IPO7: variants seen among roughly 807,000 people sequenced by gnomAD.
IPO7 encodes the protein importin 7, also known as importin-7.
IPO7 carries 13 observed loss-of-function variants against 136.4 expected under a neutral mutation model. That is an observed-to-expected ratio of 0.10 (90% CI 0.06 to 0.15). The LOEUF (loss-of-function observed/expected upper bound fraction) is 0.15. Among genes scored for constraint, IPO7 ranks in the 10% least tolerant of loss-of-function variants. The pLI, the probability that IPO7 is intolerant of heterozygous loss-of-function variation, is 1.00. For synonymous variants in IPO7, 403 were observed against 404.4 expected (o/e 1.00, Z 0.04); for missense variants, 857 against 1,240.6 (o/e 0.69, Z 4.65).
chr11:9,418,299 G>T (rs1007186601), intron 6 of IPO7, among the ~76,000 whole-genome samples: 12 of 151,516 alleles, frequency 7.9e-5, no homozygotes, highest in Non-Finnish European at 1.5e-4. Context: ...TTAAACTCCT[G>T]ACCTTGTGAT....
rs1443829292 is a variant in IPO7 at position 9,446,260 on chromosome 11, T to A, written c.*1066T>A. 6.6e-6 allele frequency: 1 copy of A among 152,238 alleles called. No homozygotes were observed. The highest frequency in any genetic ancestry group is 1.5e-5 in the Non-Finnish European group (1 of 68,044). The allele number at this position is 152,238 out of a possible 1,614,324, so 9.4% of individuals were successfully genotyped here. ...TGATTTGATTGCAGTTTTTTCCTAA[T>A]TATAACAAATTTTTCCTCATTGGCC... On this transcript the variant is annotated 3_prime_UTR_variant, in exon 25 of 25. Transcript: ENST00000379719.
intron 22 of IPO7, among the ~76,000 whole-genome samples, chr11:9,440,175 CA>C (rs1398569220): frequency 6.6e-6 from 1 of 152,110 alleles, no homozygotes; most frequent in African/African-American, 2.4e-5. Flanking sequence ...AAAAATCTTA[CA>C]AAAGGTTTGG....
intron 4 of IPO7, among the ~76,000 whole-genome samples, chr11:9,410,836 C>T (rs1252957747): frequency 6.6e-6 from 1 of 152,112 alleles, no homozygotes; most frequent in Non-Finnish European, 1.5e-5. Context: ...GACTTTTATA[C>T]CATGATCGTG....
chr11:9,384,716 C>T lies in IPO7; in HGVS notation c.-48C>T, dbSNP rs561347301. On this transcript the variant is annotated 5_prime_UTR_variant, in exon 1 of 25. Coordinates refer to ENST00000379719, the MANE Select transcript of IPO7 (RefSeq NM_006391.3). ...ATGTGCGCAGTGAGTGGCGCTATTCCTGGCCCAGTAGCACCCGAGCCCCGG... is the reference window on the plus strand; with the variant it reads ...ATGTGCGCAGTGAGTGGCGCTATTCTTGGCCCAGTAGCACCCGAGCCCCGG... The T allele has an allele frequency of 1.6e-5, 24 of 1,480,174 alleles. No individual in the cohort carries two copies. The Admixed American group carries it at 3.7e-4, about 23-fold the overall frequency. 91.7% of individuals were successfully genotyped at this position (1,480,174 alleles called of 1,614,324 possible). A position where few individuals can be genotyped will look rare whatever the true frequency, so the allele number is the denominator to read the frequency against.
intron 1 of IPO7, among the ~76,000 whole-genome samples, chr11:9,388,120 C>A (rs527384685): frequency 6.6e-6 from 1 of 151,952 alleles, no homozygotes; most frequent in Admixed American, 6.5e-5. Context: ...GCACTCCAGC[C>A]TGAGCAACAA....
intron 4 of IPO7, among the ~76,000 whole-genome samples, chr11:9,412,297 C>T (rs954557817): frequency 6.6e-6 from 1 of 152,090 alleles, no homozygotes. Context: ...TAAAAAGAGT[C>T]TCCCAGTATC....
At chr11:9,432,989 G>GTTTTTTTTTTTTTGTTTTTTTTTTTTTTT (rs1855318571) in intron 16 of IPO7, 1 of 123,226 alleles carries the variant, frequency 8.1e-6, no homozygotes, top group African/African-American at 2.9e-5. Context: ...CTTCCAAATG[G>GTTTTTTTTTTTTTGTTTTTTTTTTTTTTT]TTTTTTTTTT....
chr11:9,406,103 TC>T, intron 2 of IPO7, among the ~76,000 whole-genome samples: 1 of 101,484 alleles, frequency 9.9e-6, no homozygotes, highest in African/African-American at 3.6e-5. Flanking sequence ...CTGAGGCTGG[TC>T]TTTTTTTTTT....
intron 1 of IPO7, among the ~76,000 whole-genome samples, chr11:9,387,603 G>A (rs1476294503): frequency 6.6e-6 from 1 of 152,224 alleles, no homozygotes; most frequent in African/African-American, 2.4e-5. Flanking sequence ...AGGCTGAGGC[G>A]GACTGATCAC....
chr11:9,393,502 C>A (rs2133720484), intron 1 of IPO7, among the ~76,000 whole-genome samples: 1 of 152,256 alleles, frequency 6.6e-6, no homozygotes, highest in East Asian at 1.9e-4. Context: ...GCCTCAGCCT[C>A]CCTAGTAGCT....
chr11:9,434,147 T>C (rs576769417), intron 18 of IPO7, among the ~76,000 whole-genome samples: 1 of 152,202 alleles, frequency 6.6e-6, no homozygotes, highest in East Asian at 1.9e-4. Flanking sequence ...GGTCTCGAAC[T>C]CCCGACCTGA....
At chr11:9,425,879 CAA>C (rs777336158) in intron 12 of IPO7, among the ~76,000 whole-genome samples, 33 of 66,872 alleles carry the variant, frequency 4.9e-4, no homozygotes, top group Admixed American at 5.1e-4. Context: ...ACTCTGTCTC[CAA>C]AAAAAAAAAA....
chr11:9,407,172 A>G (rs2133735291), intron 2 of IPO7, among the ~76,000 whole-genome samples: 4 of 152,334 alleles, frequency 2.6e-5, no homozygotes, highest in Admixed American at 2.6e-4. Flanking sequence ...TGGTCTTAGT[A>G]TTGGTCTCTA....
chr11:9,396,431 A>G (rs1368278776), intron 1 of IPO7, among the ~76,000 whole-genome samples: 1 of 152,182 alleles, frequency 6.6e-6, no homozygotes, highest in Non-Finnish European at 1.5e-5. Context: ...TTCATAGTTC[A>G]GTGTTGTCGA....
chr11:9,429,250 C>G (rs1249926589), intron 14 of IPO7, 54 bp downstream of exon 14: 23 of 1,448,858 alleles, frequency 1.6e-5, no homozygotes, highest in Middle Eastern at 1.8e-4. Context: ...TGCGGTAGGT[C>G]ACACCTGTAA....
intron 1 of IPO7, among the ~76,000 whole-genome samples, chr11:9,397,332 T>TAAAAAAAAAAAAA (rs757736784): frequency 0.012 from 145 of 12,112 alleles, 61 homozygotes; most frequent in Middle Eastern, 0.25. Context: ...TAAAAATAAT[T>TAAAAAAAAAAAAA]TAAAAAAAAA....
chr11:9,390,656 G>A (rs779533556), intron 1 of IPO7, among the ~76,000 whole-genome samples: 3 of 152,168 alleles, frequency 2.0e-5, no homozygotes, highest in Non-Finnish European at 2.9e-5. Flanking sequence ...GCTTGTTAAA[G>A]ATCTGAAAGA....
chr11:9,430,811 C>G (rs997054542), intron 15 of IPO7, 64 bp from the exon 16 acceptor site: 2 of 1,451,154 alleles, frequency 1.4e-6, no homozygotes, highest in African/African-American at 1.4e-5. Context: ...AATTAAAAGT[C>G]TTAGACCAAA....
At chr11:9,429,399 G>C (rs993754675) in intron 14 of IPO7, among the ~76,000 whole-genome samples, 1 of 151,936 alleles carries the variant, frequency 6.6e-6, no homozygotes, top group Non-Finnish European at 1.5e-5. Flanking sequence ...CCAGCTACTT[G>C]GGAGTCTGAG....
Sources: gnomAD v4.1 joint callset for allele counts (sites outside exome capture counted in the v4.1 genomes callset) on GRCh38, gnomAD v4.1.1 for gene constraint, MANE v1.5 for transcripts, NCBI Gene and HGNC (gene_info 2026-07-23, HGNC 2026-07-21) for gene names.